Variants in MAOA observed in about 807,000 individuals in gnomAD.
MAOA encodes monoamine oxidase A.
A neutral mutation model predicts 42.0 loss-of-function variants in MAOA; 6 were observed. The observed-to-expected ratio is 0.14, with a 90% CI of 0.08 to 0.28. The LOEUF (loss-of-function observed/expected upper bound fraction) is 0.28. MAOA is among the 10% of genes least tolerant of loss of function. The pLI, the probability that MAOA is intolerant of heterozygous loss-of-function variation, is 1.00. For synonymous variants in MAOA, 140 were observed against 154.0 expected, an observed-to-expected ratio of 0.91 and a Z score of 0.67; for missense variants, 262 against 422.3, an observed-to-expected ratio of 0.62 and a Z score of 3.33.
intron 5 of MAOA, among the ~76,000 whole-genome samples, chrX:43,713,552 A>C (rs1431293678): frequency 2.7e-5 from 3 of 112,082 alleles, no homozygotes; most frequent in Non-Finnish European, 3.8e-5. Context: ...TAGTAATAAA[A>C]ATGTTCAATT....
intron 1 of MAOA, among the ~76,000 whole-genome samples, chrX:43,672,103 T>G (rs977102699): frequency 7.6e-4 from 85 of 111,827 alleles, no homozygotes; most frequent in African/African-American, 2.6e-3. Flanking sequence ...TTTCTTTGTA[T>G]CCTCTTTTAT....
rs952891117 is a variant in MAOA, at chrX:43,710,840, C to T, written c.307-1032C>T. Among the ~76,000 whole-genome samples the T allele has an allele frequency of 2.7e-5, 3 of 111,792 alleles. No individual in the cohort carries two copies. The Admixed American group carries it at 2.9e-4, about 11-fold the overall frequency. On this transcript the variant is annotated intron_variant, in intron 3 of 14. Transcript: ENST00000338702. The stretch of plus-strand genomic sequence containing the variant: ...ACCAAGCAATAGAAACCAACTCAGG[C>T]TAACAAGAGGGAATGTACTGAAAGG...
At chrX:43,699,609 C>A (rs760552088) in intron 3 of MAOA, among the ~76,000 whole-genome samples, 3 of 111,340 alleles carry the variant, frequency 2.7e-5, no homozygotes, top group Non-Finnish European at 5.6e-5. Flanking sequence ...TTATTTAAAA[C>A]AACATAGGCT....
At chrX:43,737,642 A>G (rs1443298879) in intron 10 of MAOA, among the ~76,000 whole-genome samples, 1 of 111,653 alleles carries the variant, frequency 9.0e-6, no homozygotes, top group Non-Finnish European at 1.9e-5. Context: ...CCCATTTATA[A>G]GGGCACTAAT....
intron 3 of MAOA, among the ~76,000 whole-genome samples, chrX:43,695,083 C>T (rs774204768): frequency 8.9e-6 from 1 of 112,053 alleles, no homozygotes; most frequent in South Asian, 3.7e-4. Flanking sequence ...GGCTATAAAA[C>T]TCCTAAAAGT....
At chrX:43,733,270 A>G (rs1410242063) in intron 9 of MAOA, among the ~76,000 whole-genome samples, 1 of 112,490 alleles carries the variant, frequency 8.9e-6, no homozygotes, top group Non-Finnish European at 1.9e-5. Context: ...CAGCTGACCA[A>G]TTAGGAGGCC....
At chrX:43,728,955 A>G (rs1406058354) in intron 6 of MAOA, among the ~76,000 whole-genome samples, 2 of 113,187 alleles carry the variant, frequency 1.8e-5, no homozygotes, top group Non-Finnish European at 3.7e-5. Context: ...CTCTGCTTCA[A>G]CCCTTTCTGT....
Position 43,675,763 on chromosome X carries a change from G to A in MAOA, c.74-7750G>A, listed in dbSNP as rs759930663. The stretch of plus-strand genomic sequence containing the variant: ...AGTGGCTGCAGAACAGCGGATTTTC[G>A]TGAACCACGAATGCTGCTGTCTGAT... On this transcript the variant is annotated intron_variant, in intron 1 of 14. Coordinates refer to ENST00000338702, the MANE Select transcript of MAOA (RefSeq NM_000240.4). 5.2e-3 allele frequency among the ~76,000 whole-genome samples: 583 copies of A among 112,023 alleles called. 5 individuals are homozygous for A. Among genetic ancestry groups the A allele is most frequent in the African/African-American group, 0.017 (532 of 30,798 alleles).
chrX:43,740,598 T>G, intron 10 of MAOA, 83 bp from the exon 11 acceptor site: 1 of 854,557 alleles, frequency 1.2e-6, no homozygotes. Context: ...CCAAGAGCTC[T>G]AGAACTCACT....
At position 43,683,515 on chromosome X, in the gene MAOA, C is replaced by A; in HGVS notation, c.76C>A (p.Leu26Ile). The change falls in exon 2 of 15, where the codon CTA becomes ATA. Residue 26 changes from leucine (L) to isoleucine (I), a missense_variant and splice_region_variant. This residue lies in a region of MAOA where 141 missense variants were observed against 195.6 expected (regional missense o/e 0.72). Coordinates refer to ENST00000338702, the MANE Select transcript of MAOA (RefSeq NM_000240.4). ...GCTCTTTTTTGTTTTTCCTTTAGGA[C>A]TATCTGCTGCCAAACTCTTGACTGA... ...VVVIGGGISG[L>I]SAAKLLTEYG... 1 of 1,206,057 alleles carries A rather than the reference C, an allele frequency of 8.3e-7. No homozygotes were observed.
intron 3 of MAOA, among the ~76,000 whole-genome samples, chrX:43,704,251 A>C (rs1234087522): frequency 1.8e-5 from 2 of 111,382 alleles, no homozygotes; most frequent in Non-Finnish European, 3.8e-5. Flanking sequence ...ATACTAGCAA[A>C]CTGAATCTAG....
At position 43,731,161 on chromosome X, in the gene MAOA, G is replaced by A. The variant is rs2033877671; in HGVS notation, c.646-80G>A. On this transcript the variant is annotated intron_variant, in intron 6 of 14. Transcript: ENST00000338702. Reference sequence around the variant, plus strand: ...AGGTGTGGCCTGTGACTTTCTGGAGGTTTTCTAATCAGTAGCCAGTAGGAT... The same window carrying A: ...AGGTGTGGCCTGTGACTTTCTGGAGATTTTCTAATCAGTAGCCAGTAGGAT... 19 of 1,021,914 alleles carry A rather than the reference G, an allele frequency of 1.9e-5. No homozygotes were observed. The South Asian group carries it at 3.3e-4, about 17-fold the overall frequency. 84.2% of individuals were successfully genotyped at this position (1,021,914 alleles called of 1,213,427 possible).
chrX:43,689,398 G>C (rs1266930365), intron 2 of MAOA, among the ~76,000 whole-genome samples: 1 of 111,003 alleles, frequency 9.0e-6, no homozygotes, highest in African/African-American at 3.3e-5. Context: ...CCTTCTTTTG[G>C]GTTAATGGTT....
chrX:43,655,140 GGCACCAGTACCC>G (rs768062321), upstream of MAOA: 5 of 116,230 alleles, frequency 4.3e-5, no homozygotes, highest in Admixed American at 9.3e-5. Context: ...TACCGGCACC[GGCACCAGTACCC>G]GCACCAGTAC....
In MAOA at chrX:43,656,427, C is replaced by A; in HGVS notation, c.73+13C>A. On this transcript the variant is annotated intron_variant, in intron 1 of 14. Coordinates refer to ENST00000338702, the MANE Select transcript of MAOA (RefSeq NM_000240.4). ...GGTGGCATTTCAGGTCAGTGTGGAC[C>A]GTAGCGGTGGCCTGGGGGACCCTGG... The A allele has an allele frequency of 8.3e-7, 1 of 1,205,461 alleles. No individual in the cohort carries two copies. The highest frequency in any genetic ancestry group is 1.1e-6 in the Non-Finnish European group (1 of 890,131).
chrX:43,672,943 A>G (rs1266217982), intron 1 of MAOA, among the ~76,000 whole-genome samples: 3 of 111,593 alleles, frequency 2.7e-5, no homozygotes, highest in Admixed American at 9.5e-5. Flanking sequence ...TCAGGATGAT[A>G]CGGGCCTCAT....
At chrX:43,688,928 T>G (rs1191443593) in intron 2 of MAOA, among the ~76,000 whole-genome samples, 1 of 112,187 alleles carries the variant, frequency 8.9e-6, no homozygotes, top group African/African-American at 3.2e-5. Context: ...CACTGAGATT[T>G]ATTTTGTTTA....
intron 5 of MAOA, among the ~76,000 whole-genome samples, chrX:43,717,961 G>A (rs1220189766): frequency 9.1e-6 from 1 of 110,364 alleles, no homozygotes; most frequent in Non-Finnish European, 1.9e-5. Flanking sequence ...TCTTTCAGGA[G>A]TGTGAACCAA....
Position 43,665,658 on chromosome X carries a change from T to C in MAOA, c.73+9244T>C, listed in dbSNP as rs775593606. On this transcript the variant is annotated intron_variant, in intron 1 of 14. Coordinates refer to ENST00000338702, the MANE Select transcript of MAOA (RefSeq NM_000240.4). ...ACCAGTCTGTTGAATTCAGGGCAAATTGAAGTTAATTGTTAGCTTTCATCT... is the reference window on the plus strand; with the variant it reads ...ACCAGTCTGTTGAATTCAGGGCAAACTGAAGTTAATTGTTAGCTTTCATCT... 1.0e-3 allele frequency among the ~76,000 whole-genome samples: 114 copies of C among 111,906 alleles called. 1 individual carries two copies. The highest frequency in any genetic ancestry group is 3.6e-3 in the African/African-American group (111 of 30,885).
Sources: gnomAD v4.1 joint callset for allele counts (sites outside exome capture counted in the v4.1 genomes callset) on GRCh38, gnomAD v4.1.1 for gene constraint, gnomAD v4.1.1 regional missense constraint, MANE v1.5 for transcripts, NCBI Gene and HGNC (gene_info 2026-07-23, HGNC 2026-07-21) for gene names.